Variants in NRG4 observed in about 807,000 individuals in gnomAD.
The protein encoded by NRG4 is pro-neuregulin-4, membrane-bound isoform.
In NRG4, 10 loss-of-function variants were observed where a neutral mutation model predicts 15.0. The ratio of observed to expected loss-of-function variants is 0.67; its 90% confidence interval spans 0.41 to 1.13. NRG4 has a LOEUF of 1.13. Ranked by LOEUF, NRG4 falls within the 50% of genes most tolerant of loss-of-function variation. The pLI is 0.00. For missense variants in NRG4, 139 were observed against 140.2 expected (o/e 0.99, Z 0.04); for synonymous variants, 41 against 50.1 (o/e 0.82, Z 0.77).
At chr15:75,982,935 T>G (rs1191149083) in intron 3 of NRG4, among the ~76,000 whole-genome samples, 1 of 152,162 alleles carries the variant, frequency 6.6e-6, no homozygotes, top group Non-Finnish European at 1.5e-5. Context: ...AGACTGGACC[T>G]TCTACATAAG....
At chr15:76,017,633 C>CT (rs1451247534) in intron 5 of NRG4, among the ~76,000 whole-genome samples, 1 of 152,104 alleles carries the variant, frequency 6.6e-6, no homozygotes, top group East Asian at 1.9e-4. Context: ...GTTGAAAATT[C>CT]TTTTAAGAAT....
At chr15:75,948,828 G>T (rs3110062) in intron 5 of NRG4, among the ~76,000 whole-genome samples, 149,471 of 152,266 alleles carry the variant, frequency 0.98, 73,416 homozygotes, top group East Asian at 1. Flanking sequence ...GCAGGAAGAC[G>T]GCTTGAAACC....
chr15:75,957,728 A>T (rs534358718), intron 4 of NRG4, among the ~76,000 whole-genome samples: 3 of 152,186 alleles, frequency 2.0e-5, no homozygotes, highest in Admixed American at 6.5e-5. Context: ...ACTAAACATA[A>T]GGTAGACACA....
chr15:76,038,116 G>A (rs2035639411), intron 4 of NRG4, among the ~76,000 whole-genome samples: 1 of 152,232 alleles, frequency 6.6e-6, no homozygotes, highest in African/African-American at 2.4e-5. Context: ...TGATACTTAG[G>A]TAGTATGGCA....
chr15:75,950,483 C>T (rs2031813918), intron 5 of NRG4: 1 of 232,332 alleles, frequency 4.3e-6, no homozygotes, highest in Non-Finnish European at 9.7e-6. Context: ...GAGTCACTCT[C>T]TGGGTCAGCA....
In NRG4 at chr15:76,054,212, C is replaced by T. The variant is rs1028180977; in HGVS notation, c.-261-1229G>A. The stretch of plus-strand genomic sequence containing the variant: ...AAACCATCCTCCCACCTCAGCCTCC[C>T]GAGCAACTGGGACCACAAGTGCACA... On this transcript the variant is annotated intron_variant, in intron 2 of 8. Transcript: ENST00000563910. 5.3e-5 allele frequency among the ~76,000 whole-genome samples: 8 copies of T among 150,042 alleles called. 1 individual carries two copies. Among genetic ancestry groups the T allele is most frequent in the Non-Finnish European group, 1.0e-4 (7 of 67,664 alleles).
chr15:76,030,029 C>T (rs1305346807), intron 5 of NRG4, among the ~76,000 whole-genome samples: 8 of 152,086 alleles, frequency 5.3e-5, no homozygotes, highest in Non-Finnish European at 8.8e-5. Context: ...GAGGCCAAGG[C>T]GGGTGGATCA....
At chr15:76,002,716 G>A (rs2034457199) in intron 3 of NRG4, among the ~76,000 whole-genome samples, 1 of 152,076 alleles carries the variant, frequency 6.6e-6, no homozygotes, top group Non-Finnish European at 1.5e-5. Context: ...ACAGCAAGAA[G>A]TAATACTAAA....
intron 3 of NRG4, among the ~76,000 whole-genome samples, chr15:76,008,931 C>A (rs1184397928): frequency 6.6e-6 from 1 of 151,994 alleles, no homozygotes; most frequent in Non-Finnish European, 1.5e-5. Context: ...TCAAAGAGTT[C>A]ACTAAAAGGG....
intron 3 of NRG4, among the ~76,000 whole-genome samples, chr15:75,996,405 C>T (rs1178911309): frequency 1.3e-5 from 2 of 152,144 alleles, no homozygotes; most frequent in South Asian, 2.1e-4. Flanking sequence ...AATCTTTTAA[C>T]TACAAGAGTT....
At chr15:76,004,212 G>A (rs1319905309) in intron 3 of NRG4, among the ~76,000 whole-genome samples, 1 of 152,148 alleles carries the variant, frequency 6.6e-6, no homozygotes, top group Non-Finnish European at 1.5e-5. Context: ...TCAAATTAGT[G>A]TTATAACTTT....
At chr15:76,049,001 G>A (rs1023683560) in intron 4 of NRG4, among the ~76,000 whole-genome samples, 1 of 150,320 alleles carries the variant, frequency 6.7e-6, no homozygotes, top group East Asian at 1.9e-4. Context: ...CTGAGATCAC[G>A]CCACTGTACT....
chr15:75,954,266 T>G (rs1295824281), intron 5 of NRG4, among the ~76,000 whole-genome samples: 2 of 123,952 alleles, frequency 1.6e-5, no homozygotes, highest in East Asian at 2.0e-4. Context: ...TGTTTTTTTG[T>G]TTTTTTTTTT....
At chr15:75,948,885 C>G (rs1354666091) in intron 5 of NRG4, among the ~76,000 whole-genome samples, 2 of 151,526 alleles carry the variant, frequency 1.3e-5, no homozygotes, top group Admixed American at 1.3e-4. Flanking sequence ...CTTGTCTCTA[C>G]AAAAAAAATG....
intron 3 of NRG4, among the ~76,000 whole-genome samples, chr15:75,965,400 G>A (rs1210659128): frequency 6.6e-6 from 1 of 152,108 alleles, no homozygotes; most frequent in Non-Finnish European, 1.5e-5. Flanking sequence ...AGCAACACTA[G>A]GTTGTTCTAT....
chr15:76,026,860 C>T (rs996062492), intron 5 of NRG4, among the ~76,000 whole-genome samples: 6 of 152,228 alleles, frequency 3.9e-5, no homozygotes, highest in Non-Finnish European at 5.9e-5. Context: ...TGGTGGCTCA[C>T]GCCTGTAATC....
intron 5 of NRG4, among the ~76,000 whole-genome samples, chr15:75,946,098 C>T (rs1039990830): frequency 5.9e-5 from 9 of 152,094 alleles, no homozygotes; most frequent in East Asian, 1.9e-4. Context: ...AATGGGTGGG[C>T]GGCATATACA....
chr15:75,981,550 T>C (rs944571336), intron 3 of NRG4, among the ~76,000 whole-genome samples: 2 of 152,094 alleles, frequency 1.3e-5, no homozygotes, highest in Non-Finnish European at 2.9e-5. Flanking sequence ...GACCAAGCAG[T>C]AGGTGGAGGC....
chr15:76,005,679 GAAAAAAA>G (rs776504828), intron 3 of NRG4: 78 of 152,142 alleles, frequency 5.1e-4, no homozygotes, highest in African/African-American at 2.4e-3. Context: ...CTCTGTCTCA[GAAAAAAA>G]AAAAAAAAAA....
Sources: allele counts gnomAD v4.1 joint callset (sites outside exome capture counted in the v4.1 genomes callset), GRCh38; gene constraint gnomAD v4.1.1; transcripts MANE v1.5; gene names NCBI Gene and HGNC (gene_info 2026-07-23, HGNC 2026-07-21).